The following GPR39 variants were observed in gnomAD, a reference collection of about 807,000 sequenced individuals.
GPR39 encodes G protein-coupled receptor 39.
Under a neutral mutation model 18.4 loss-of-function variants are expected in GPR39, and 23 were observed. The ratio of observed to expected loss-of-function variants is 1.25; its 90% CI spans 0.90 to 1.77. The LOEUF is 1.77. Among genes scored for constraint, GPR39 ranks in the 40% most tolerant of loss-of-function variants. The pLI, the probability that GPR39 is intolerant of heterozygous loss-of-function variation, is 0.00. For synonymous variants in GPR39, 280 were observed against 257.9 expected (o/e 1.09, Z -0.82); for missense variants, 647 against 602.4 (o/e 1.07, Z -0.78).
chr2:132,535,324 A>C (rs8179862), intron 1 of GPR39, among the ~76,000 whole-genome samples: 45,575 of 151,996 alleles, frequency 0.3, 7,424 homozygotes, highest in East Asian at 0.7. Context: ...TGGGATAATC[A>C]TGTGGTTTTT....
intron 1 of GPR39, among the ~76,000 whole-genome samples, chr2:132,450,046 G>T: frequency 6.6e-6 from 1 of 152,342 alleles, no homozygotes; most frequent in Non-Finnish European, 1.5e-5. Context: ...CTTGCTGCCA[G>T]TGTCTGTACC....
In GPR39 at chr2:132,442,949, CTT is replaced by C. The variant is rs1642010783; in HGVS notation, c.856+25052_856+25053del. Among the ~76,000 whole-genome samples, 3 of 152,150 alleles carry C rather than the reference CTT, an allele frequency of 2.0e-5. No homozygotes were observed. The South Asian group carries it at 6.2e-4, about 32-fold the overall frequency. ...ATGGACTGCTATAATTAGGAATACT[CTT>C]ATTTTTTAAATGGTTAATAAGATTT... On this transcript the variant is annotated intron_variant, in intron 1 of 1. Transcript: ENST00000329321.
intron 1 of GPR39, among the ~76,000 whole-genome samples, chr2:132,455,749 A>T (rs1221678939): frequency 6.6e-6 from 1 of 152,166 alleles, no homozygotes; most frequent in African/African-American, 2.4e-5. Context: ...CCCAGTAGTC[A>T]TTCAGGAGCA....
intron 1 of GPR39, among the ~76,000 whole-genome samples, chr2:132,561,892 T>C (rs1027811813): frequency 3.9e-5 from 6 of 152,300 alleles, no homozygotes; most frequent in Non-Finnish European, 7.4e-5. Context: ...TTCATTCCAT[T>C]TAGGCTTTCA....
chr2:132,420,827 A>G (rs950536837), intron 1 of GPR39, among the ~76,000 whole-genome samples: 5 of 152,208 alleles, frequency 3.3e-5, no homozygotes, highest in Admixed American at 6.5e-5. Flanking sequence ...GGGCTGGTGA[A>G]TAAGGAAAAC....
In GPR39 at chr2:132,645,771, C is replaced by T. The variant is rs1377572153; in HGVS notation, c.*165C>T. 2.0e-6 allele frequency: 2 copies of T among 999,100 alleles called. No homozygotes were observed. Among genetic ancestry groups the T allele is most frequent in the South Asian group, 1.7e-5 (1 of 57,286 alleles). 61.9% of individuals were successfully genotyped at this position (999,100 alleles called of 1,614,324 possible). On this transcript the variant is annotated 3_prime_UTR_variant, in exon 2 of 2. Transcript: ENST00000329321. ...CAGTGACTTCTAAGGACTGACTCTG[C>T]CAGCCTGGCCTTGACTCCGGTTACA...
At chr2:132,569,805 C>T (rs1458337696) in intron 1 of GPR39, among the ~76,000 whole-genome samples, 1 of 151,088 alleles carries the variant, frequency 6.6e-6, no homozygotes, top group African/African-American at 2.5e-5. Context: ...GTGCTATTAA[C>T]TTTAGAGTGA....
intron 1 of GPR39, among the ~76,000 whole-genome samples, chr2:132,642,993 C>G (rs1255406668): frequency 6.6e-6 from 1 of 152,088 alleles, no homozygotes; most frequent in Admixed American, 6.5e-5. Context: ...GAGATGCAAA[C>G]AAGGAGCAGG....
chr2:132,437,053 G>A (rs111693732), intron 1 of GPR39, among the ~76,000 whole-genome samples: 1,905 of 152,252 alleles, frequency 0.013, 19 homozygotes, highest in Non-Finnish European at 0.021. Context: ...AGGTAACACA[G>A]CAATTAAGAA....
chr2:132,460,999 G>A (rs1420064300), intron 1 of GPR39, among the ~76,000 whole-genome samples: 1 of 152,160 alleles, frequency 6.6e-6, no homozygotes, highest in Non-Finnish European at 1.5e-5. Flanking sequence ...GGATAGAGGG[G>A]TGTAACCTGT....
At chr2:132,497,717 C>T (rs1356506058) in intron 1 of GPR39, among the ~76,000 whole-genome samples, 1 of 152,176 alleles carries the variant, frequency 6.6e-6, no homozygotes, top group African/African-American at 2.4e-5. Context: ...TGCTGCTACT[C>T]ACCCTGAAGC....
At chr2:132,513,557 T>C (rs1321755407) in intron 1 of GPR39, among the ~76,000 whole-genome samples, 1 of 151,954 alleles carries the variant, frequency 6.6e-6, no homozygotes, top group South Asian at 2.1e-4. Flanking sequence ...GAAGTCTGTC[T>C]ACTATGTACA....
intron 1 of GPR39, among the ~76,000 whole-genome samples, chr2:132,505,045 CA>C (rs1362323062): frequency 2.6e-5 from 4 of 152,096 alleles, no homozygotes; most frequent in Non-Finnish European, 4.4e-5. Flanking sequence ...TTGCCTATAA[CA>C]AAATACCTAA....
chr2:132,520,881 A>G (rs1484786653), intron 1 of GPR39, among the ~76,000 whole-genome samples: 1 of 152,224 alleles, frequency 6.6e-6, no homozygotes, highest in South Asian at 2.1e-4. Context: ...AAGGGAAGAA[A>G]TGCAGAGGAA....
At chr2:132,598,973 C>T (rs972384537) in intron 1 of GPR39, among the ~76,000 whole-genome samples, 42 of 152,254 alleles carry the variant, frequency 2.8e-4, no homozygotes, top group African/African-American at 9.9e-4. Flanking sequence ...AATAAAACAG[C>T]AGCAACAACA....
At chr2:132,444,499 G>C (rs575360198) in intron 1 of GPR39, among the ~76,000 whole-genome samples, 1 of 152,168 alleles carries the variant, frequency 6.6e-6, no homozygotes, top group African/African-American at 2.4e-5. Flanking sequence ...TGTTGTGTAG[G>C]CTGATTTTGA....
At chr2:132,476,293 C>G (rs1681124194) in intron 1 of GPR39, among the ~76,000 whole-genome samples, 1 of 152,070 alleles carries the variant, frequency 6.6e-6, no homozygotes, top group South Asian at 2.1e-4. Flanking sequence ...TTCGAAGTCC[C>G]TAGAAAACAA....
chr2:132,464,465 A>C (rs1043145824), intron 1 of GPR39, among the ~76,000 whole-genome samples: 1 of 152,068 alleles, frequency 6.6e-6, no homozygotes, highest in Non-Finnish European at 1.5e-5. Flanking sequence ...TATTCTGATC[A>C]CTCATTTCTA....
chr2:132,516,882 GA>G lies in GPR39; in HGVS notation c.856+98986del, dbSNP rs1167163412. On this transcript the variant is annotated intron_variant, in intron 1 of 1. Coordinates refer to ENST00000329321, the MANE Select transcript of GPR39 (RefSeq NM_001508.3). ...GGAGGATGAATGAGAGGGAGGAAGA[GA>G]AGTAAAGGAAAGAGAAAGGAATGGA... Among the ~76,000 whole-genome samples the G allele has an allele frequency of 2.6e-5, 4 of 152,324 alleles. No individual in the cohort carries two copies. The East Asian group carries it at 7.7e-4, about 29-fold the overall frequency.
Sources: gnomAD v4.1 joint callset for allele counts (sites outside exome capture counted in the v4.1 genomes callset) on GRCh38, gnomAD v4.1.1 for gene constraint, MANE v1.5 for transcripts, NCBI Gene and HGNC (gene_info 2026-07-23, HGNC 2026-07-21) for gene names.